CTHRC1: variants seen among roughly 807,000 people sequenced by gnomAD.
CTHRC1 encodes the protein collagen triple helix repeat-containing protein 1.
Under a neutral mutation model 25.9 loss-of-function variants are expected in CTHRC1, and 21 were observed. The ratio of observed to expected loss-of-function variants is 0.81; its 90% CI spans 0.57 to 1.17. The LOEUF is 1.17. Ranked by LOEUF, CTHRC1 falls within the 50% of genes most tolerant of loss-of-function variation. The pLI, the probability that CTHRC1 is intolerant of heterozygous loss-of-function variation, is 0.00. For synonymous variants in CTHRC1, 109 were observed against 113.1 expected, an observed-to-expected ratio of 0.96 and a Z score of 0.23; for missense variants, 281 against 304.3, an observed-to-expected ratio of 0.92 and a Z score of 0.57.
At chr8:103,372,588 C>A in intron 1 of CTHRC1, 2 of 1,598,232 alleles carry the variant, frequency 1.3e-6, no homozygotes, top group African/African-American at 1.3e-5. Flanking sequence ...AGTCAAGCTA[C>A]GGGAGAAAAC....
rs1254809414 is a variant in CTHRC1 at position 103,382,979 on chromosome 8, A to T, written c.*379A>T. The T allele has an allele frequency of 5.5e-6, 1 of 182,242 alleles. No individual in the cohort carries two copies. Among genetic ancestry groups the T allele is most frequent in the African/African-American group, 2.4e-5 (1 of 41,656 alleles). The allele number at this position is 182,242 out of a possible 1,614,324, so 11.3% of individuals were successfully genotyped here. On this transcript the variant is annotated 3_prime_UTR_variant, in exon 4 of 4. Coordinates refer to ENST00000330295, the MANE Select transcript of CTHRC1 (RefSeq NM_138455.4). ...TTTTTATATCTGTTAAATAAAAATT[A>T]TTTCCAACAACCTTAATATCTTTAA...
chr8:103,375,852 G>A lies in CTHRC1; in HGVS notation c.265G>A (p.Glu89Lys), dbSNP rs1815794410. ...CCCAGGTCGGGATGGATTCAAAGGA[G>A]AAAAGGGGGAATGTCTGAGGGAAAG... ...GIPGRDGFKG[E>K]KGECLRESFE... Residue 89 changes from glutamate to lysine, a missense_variant, in exon 2 of 4, where the codon GAA becomes AAA. Glu to Lys is a moderately conservative substitution (Grantham distance 56, BLOSUM62 1). Transcript: ENST00000330295. The A allele has an allele frequency of 6.2e-7, 1 of 1,614,030 alleles. No homozygotes were observed. The highest frequency in any genetic ancestry group is 8.5e-7 in the Non-Finnish European group (1 of 1,180,028).
chr8:103,376,032 CATTTT>C (rs1386545238), intron 2 of CTHRC1, 73 bp downstream of exon 2: 7 of 1,211,126 alleles, frequency 5.8e-6, no homozygotes, highest in Middle Eastern at 1.9e-4. Context: ...TTTTAGGTGA[CATTTT>C]ATTTTTTTTT....
intron 3 of CTHRC1, among the ~76,000 whole-genome samples, 179 bp from the exon 4 acceptor site, chr8:103,382,279 T>C (rs1360257561): frequency 6.6e-6 from 1 of 152,198 alleles, no homozygotes; most frequent in Admixed American, 6.5e-5. Flanking sequence ...TTTAAAAATA[T>C]TTATGTACCA....
rs1480410987 is a variant in CTHRC1, at chr8:103,376,426, A to G, written c.372+467A>G. Among the ~76,000 whole-genome samples, 4 of 152,354 alleles carry G rather than the reference A, an allele frequency of 2.6e-5. No individual in the cohort carries two copies. In the East Asian group the frequency reaches 7.7e-4, roughly 29 times the overall value. ...CCAGCTTAAAACTGCTAAGCCTAAG[A>G]GAAGTGAAATGGGTTAGATGTGAGG... On this transcript the variant is annotated intron_variant, in intron 2 of 3. Coordinates refer to ENST00000330295, the MANE Select transcript of CTHRC1 (RefSeq NM_138455.4).
In CTHRC1 at chr8:103,382,589, C is replaced by G; in HGVS notation, c.721C>G (p.Leu241Val). The change falls in exon 4 of 4, where the codon CTA becomes GTA. Residue 241 changes from leucine (L) to valine (V), a missense_variant. Coordinates refer to ENST00000330295, the MANE Select transcript of CTHRC1 (RefSeq NM_138455.4). ...NSVSRIIIEE[L>V]PK is the part of the protein sequence containing the mutation. ...AGTTTCTCGCATCATTATTGAAGAACTACCAAAATAAATGCTTTAATTTTC... is the reference window on the plus strand; with the variant it reads ...AGTTTCTCGCATCATTATTGAAGAAGTACCAAAATAAATGCTTTAATTTTC... The G allele has an allele frequency of 6.2e-7, 1 of 1,612,866 alleles. No homozygotes were observed. Among genetic ancestry groups the G allele is most frequent in the Non-Finnish European group, 8.5e-7 (1 of 1,178,996 alleles).
At chr8:103,372,667 T>C (rs766234926) in intron 1 of CTHRC1, 5 of 1,596,022 alleles carry the variant, frequency 3.1e-6, no homozygotes, top group Non-Finnish European at 4.2e-6. Flanking sequence ...AAGGTATGTT[T>C]GCTTAAAATC....
chr8:103,373,411 A>T (rs1451539584), intron 1 of CTHRC1, among the ~76,000 whole-genome samples: 3 of 151,122 alleles, frequency 2.0e-5, no homozygotes, highest in Non-Finnish European at 4.4e-5. Flanking sequence ...TGAAAGAAAC[A>T]GGGGCGTATA....
At chr8:103,375,196 T>C (rs1815783347) in intron 1 of CTHRC1, among the ~76,000 whole-genome samples, 1 of 152,208 alleles carries the variant, frequency 6.6e-6, no homozygotes, top group African/African-American at 2.4e-5. Flanking sequence ...AGATAATTAT[T>C]GACTCTTAAG....
rs748246741 is a variant in CTHRC1, at chr8:103,372,633, G to T, written c.150+827G>T. ...GAAACTGGAAATGAACGGCCCGAGT[G>T]CTTTCCAGGGGCTCATCTGTGGGAA... On this transcript the variant is annotated intron_variant, in intron 1 of 3. Transcript: ENST00000330295. 1.9e-6 allele frequency: 3 copies of T among 1,598,058 alleles called. 1 individual carries two copies. The highest frequency in any genetic ancestry group is 1.7e-5 in the Admixed American group (1 of 59,990).
chr8:103,376,743 A>T (rs1815813015), intron 2 of CTHRC1, among the ~76,000 whole-genome samples: 1 of 152,222 alleles, frequency 6.6e-6, no homozygotes, highest in Admixed American at 6.5e-5. Flanking sequence ...TTTGTTTCAT[A>T]AAACTCCAAG....
At chr8:103,375,421 A>T (rs972698621) in intron 1 of CTHRC1, among the ~76,000 whole-genome samples, 1 of 152,238 alleles carries the variant, frequency 6.6e-6, no homozygotes, top group African/African-American at 2.4e-5. Flanking sequence ...ATATCAAATT[A>T]TTCCCACCTT....
chr8:103,382,537 AG>A lies in CTHRC1; in HGVS notation c.671del (p.Gly224GlufsTer53). On this transcript the variant is annotated frameshift_variant, in exon 4 of 4. Transcript: ENST00000330295. LOFTEE classifies it high-confidence loss of function. ...WVGTCSDYPK[G>X]DASTGWNSVS... is the part of the protein sequence containing the mutation. ...TTGGTACTTGTTCAGATTACCCAAAAGGAGATGCTTCTACTGGATGGAATTC... is the reference window on the plus strand; with the variant it reads ...TTGGTACTTGTTCAGATTACCCAAAAGAGATGCTTCTACTGGATGGAATTC... 1 of 1,613,474 alleles carries A rather than the reference AG, an allele frequency of 6.2e-7. No individual in the cohort carries two copies. The highest frequency in any genetic ancestry group is 1.1e-5 in the South Asian group (1 of 91,066).
intron 1 of CTHRC1, among the ~76,000 whole-genome samples, chr8:103,373,808 T>C (rs1337952323): frequency 6.6e-6 from 1 of 151,386 alleles, no homozygotes; most frequent in Non-Finnish European, 1.5e-5. Context: ...TCCACTGATA[T>C]ATAATGAAGT....
chr8:103,374,558 G>A (rs1815771252), intron 1 of CTHRC1, among the ~76,000 whole-genome samples: 1 of 152,120 alleles, frequency 6.6e-6, no homozygotes, highest in African/African-American at 2.4e-5. Flanking sequence ...ATACAGCATT[G>A]GCATGTATGG....
intron 1 of CTHRC1, among the ~76,000 whole-genome samples, chr8:103,374,539 C>CCACT (rs1272456594): frequency 3.3e-5 from 5 of 152,162 alleles, no homozygotes; most frequent in African/African-American, 4.8e-5. Flanking sequence ...ATCACCTTTA[C>CCACT]CACTGATCAT....
intron 2 of CTHRC1, among the ~76,000 whole-genome samples, chr8:103,376,286 C>T (rs1233327167): frequency 6.6e-6 from 1 of 152,114 alleles, no homozygotes; most frequent in African/African-American, 2.4e-5. Context: ...TAAATTTAGT[C>T]TAAGAAATTC....
chr8:103,381,997 C>CAA (rs768929764), intron 3 of CTHRC1, among the ~76,000 whole-genome samples: 3 of 121,608 alleles, frequency 2.5e-5, no homozygotes, highest in Non-Finnish European at 5.3e-5. Context: ...GATTCCATCT[C>CAA]AAAAAAAAAA....
chr8:103,375,812 G>A lies in CTHRC1; in HGVS notation c.225G>A (p.Pro75=), dbSNP rs753401752. The change falls in exon 2 of 4, where the codon CCG becomes CCA. Residue 75 remains proline, a synonymous_variant. Transcript: ENST00000330295. The part of the protein sequence containing the change: ...RDGSPGANGI[P]GTPGIPGRDG... ...GGAGCCCTGGGGCCAATGGCATTCC[G>A]GGTACACCTGGGATCCCAGGTCGGG... 5.6e-6 allele frequency: 9 copies of A among 1,614,032 alleles called. No homozygotes were observed. The East Asian group carries it at 8.9e-5, about 16-fold the overall frequency.
Sources: gnomAD v4.1 joint callset for allele counts (sites outside exome capture counted in the v4.1 genomes callset) on GRCh38, gnomAD v4.1.1 for gene constraint, MANE v1.5 for transcripts, NCBI Gene and HGNC (gene_info 2026-07-23, HGNC 2026-07-21) for gene names.